The following FTO variants were observed in gnomAD, a reference collection of about 807,000 sequenced individuals.
FTO encodes FTO alpha-ketoglutarate dependent dioxygenase.
A neutral mutation model predicts 63.9 loss-of-function variants in FTO; 47 were observed. That is an observed-to-expected ratio of 0.74 (90% CI 0.58 to 0.94). FTO has a LOEUF of 0.94. Among genes scored for constraint, FTO ranks in the 40% least tolerant of loss-of-function variants. FTO has a pLI of 0.00. For missense variants in FTO, 562 were observed against 618.1 expected (o/e 0.91, Z 0.96); for synonymous variants, 207 against 224.4 (o/e 0.92, Z 0.69).
intron 1 of FTO, among the ~76,000 whole-genome samples, chr16:53,718,511 CT>C (rs200167980): frequency 6.6e-5 from 10 of 151,126 alleles, no homozygotes; most frequent in Admixed American, 5.3e-4. Flanking sequence ...CTCTCCTCTC[CT>C]TTTTTTTTCT....
chr16:53,918,421 G>T (rs1354503225), intron 7 of FTO, among the ~76,000 whole-genome samples: 2 of 152,152 alleles, frequency 1.3e-5, no homozygotes, highest in African/African-American at 4.8e-5. Context: ...CATAGAAAAG[G>T]CAGAGTAAAA....
chr16:53,852,552 G>A (rs1035061553), intron 4 of FTO, among the ~76,000 whole-genome samples: 7 of 152,122 alleles, frequency 4.6e-5, no homozygotes, highest in African/African-American at 1.4e-4. Flanking sequence ...ACGCTTATAA[G>A]TTGATCTGAA....
intron 4 of FTO, among the ~76,000 whole-genome samples, chr16:53,847,464 AG>A (rs2079659595): frequency 6.6e-6 from 1 of 152,146 alleles, no homozygotes; most frequent in South Asian, 2.1e-4. Context: ...TGGGTTTCTC[AG>A]GGTTTAAGAA....
intron 3 of FTO, among the ~76,000 whole-genome samples, chr16:53,843,816 T>TA (rs11406421): frequency 0.42 from 63,076 of 151,320 alleles, 13,323 homozygotes; most frequent in Middle Eastern, 0.51. Context: ...TTTTAAAAAG[T>TA]AATTTTTTTT....
intron 1 of FTO, among the ~76,000 whole-genome samples, chr16:53,719,077 A>G (rs2075965821): frequency 6.6e-6 from 1 of 152,128 alleles, no homozygotes; most frequent in Non-Finnish European, 1.5e-5. Flanking sequence ...AAATATTGAG[A>G]AACTCCTTTT....
intron 8 of FTO, among the ~76,000 whole-genome samples, chr16:54,087,342 T>C (rs1275651475): frequency 6.6e-6 from 1 of 152,222 alleles, no homozygotes; most frequent in African/African-American, 2.4e-5. Context: ...AAAATAAGTA[T>C]AGTAAATGGT....
chr16:54,035,804 G>T (rs924750230), intron 8 of FTO, among the ~76,000 whole-genome samples: 2 of 152,172 alleles, frequency 1.3e-5, no homozygotes, highest in African/African-American at 4.8e-5. Flanking sequence ...AGGTTTTTCT[G>T]TCTTCCTTTC....
At chr16:53,704,101 G>C (rs1169293641), upstream of FTO, 1 of 1,337,856 alleles carries the variant, frequency 7.5e-7, no homozygotes, top group African/African-American at 1.4e-5. Flanking sequence ...GGAGCAGGAC[G>C]CTGAGAGAAC....
chr16:53,904,781 T>C (rs1357104892), intron 7 of FTO, among the ~76,000 whole-genome samples: 3 of 152,142 alleles, frequency 2.0e-5, no homozygotes, highest in Non-Finnish European at 4.4e-5. Flanking sequence ...TCTGATATGA[T>C]GAGCCTCCTT....
intron 2 of FTO, among the ~76,000 whole-genome samples, chr16:53,811,228 G>A (rs781644696): frequency 7.2e-5 from 11 of 152,150 alleles, no homozygotes; most frequent in Non-Finnish European, 1.6e-4. Context: ...AGGAAGAGTA[G>A]GCCCTCTGGG....
chr16:54,084,738 T>G (rs888011732), intron 8 of FTO, among the ~76,000 whole-genome samples: 3 of 152,016 alleles, frequency 2.0e-5, no homozygotes, highest in Non-Finnish European at 2.9e-5. Context: ...TCCCACTGAG[T>G]CCTGTGATGC....
In FTO at chr16:54,114,035, A is replaced by G. The variant is rs1281686175; in HGVS notation, c.*2120A>G. 6.6e-6 allele frequency: 1 copy of G among 151,956 alleles called. No individual in the cohort carries two copies. Among genetic ancestry groups the G allele is most frequent in the African/African-American group, 2.4e-5 (1 of 41,372 alleles). 9.4% of individuals were successfully genotyped at this position (151,956 alleles called of 1,614,324 possible). ...ATTGGCCAGGATGGTCTCGATCTCA[A>G]CCTCGTGATCCACCCACCTCGGTCT... is the stretch of plus-strand genomic sequence containing the variant. On this transcript the variant is annotated 3_prime_UTR_variant, in exon 9 of 9. Coordinates refer to ENST00000471389, the MANE Select transcript of FTO (RefSeq NM_001080432.3).
Position 54,120,204 on chromosome 16 carries a change from G to C in FTO, c.*8289G>C, listed in dbSNP as rs182518460. 47 of 152,372 alleles carry C rather than the reference G, an allele frequency of 3.1e-4. No individual in the cohort carries two copies. Among genetic ancestry groups the C allele is most frequent in the African/African-American group, 1.1e-3 (47 of 41,584 alleles). The allele number at this position is 152,372 out of a possible 1,614,324, so 9.4% of individuals were successfully genotyped here. On this transcript the variant is annotated 3_prime_UTR_variant, in exon 9 of 9. Coordinates refer to ENST00000471389, the MANE Select transcript of FTO (RefSeq NM_001080432.3). Reference sequence around the variant, plus strand: ...CAGAAAACAATAGATGTGTGGCTGTGTCAGGGGCATCCTCACTGGGACATA... The same window carrying C: ...CAGAAAACAATAGATGTGTGGCTGTCTCAGGGGCATCCTCACTGGGACATA...
At chr16:53,813,211 CT>C (rs1035259064) in intron 2 of FTO, among the ~76,000 whole-genome samples, 4 of 146,862 alleles carry the variant, frequency 2.7e-5, no homozygotes, top group African/African-American at 1.0e-4. Flanking sequence ...TGCTGTTTTT[CT>C]TTTCTTTTTT....
intron 7 of FTO, among the ~76,000 whole-genome samples, chr16:53,926,715 A>G (rs2082146395): frequency 6.6e-6 from 1 of 152,234 alleles, no homozygotes; most frequent in African/African-American, 2.4e-5. Flanking sequence ...AAATCGAAGT[A>G]TAGTATAGAA....
At chr16:54,003,987 T>C (rs1459513212) in intron 8 of FTO, among the ~76,000 whole-genome samples, 1 of 152,168 alleles carries the variant, frequency 6.6e-6, no homozygotes, top group Non-Finnish European at 1.5e-5. Context: ...AATAAGATTA[T>C]CTTATATGAC....
chr16:53,980,982 A>G (rs895199727), intron 8 of FTO, among the ~76,000 whole-genome samples: 34 of 152,344 alleles, frequency 2.2e-4, no homozygotes, highest in African/African-American at 7.7e-4. Flanking sequence ...AAGAGATAAC[A>G]TGGGTTCTCC....
Position 53,719,253 on chromosome 16 carries a change from CTTTTTTTTTTTT to C in FTO, c.45+15035_45+15046del, listed in dbSNP as rs10527186. Among the ~76,000 whole-genome samples the C allele has an allele frequency of 8.1e-5, 11 of 135,650 alleles. No individual in the cohort carries two copies. In the East Asian group the frequency reaches 1.6e-3, roughly 19 times the overall value. 89.0% of individuals were successfully genotyped at this position (135,650 alleles called of 152,430 possible). A position where few individuals can be genotyped will look rare whatever the true frequency, so the allele number is the denominator to read the frequency against. ...TCTTCTTCTTCTTTTTCTTCTTCTTCTTTTTTTTTTTTTTTTTTTTTTGAGCAGAGTCTTGCT... is the reference window on the plus strand; with the variant it reads ...TCTTCTTCTTCTTTTTCTTCTTCTTCTTTTTTTTTTGAGCAGAGTCTTGCT... On this transcript the variant is annotated intron_variant, in intron 1 of 8. Coordinates refer to ENST00000471389, the MANE Select transcript of FTO (RefSeq NM_001080432.3).
intron 8 of FTO, among the ~76,000 whole-genome samples, chr16:53,963,442 T>C (rs1452281373): frequency 6.6e-6 from 1 of 152,198 alleles, no homozygotes; most frequent in Non-Finnish European, 1.5e-5. Context: ...TGACCAAATC[T>C]CATGTCAAAT....
Sources: gnomAD v4.1 joint callset for allele counts (sites outside exome capture counted in the v4.1 genomes callset) on GRCh38, gnomAD v4.1.1 for gene constraint, MANE v1.5 for transcripts, NCBI Gene and HGNC (gene_info 2026-07-23, HGNC 2026-07-21) for gene names.